SLC19A3: variants seen among roughly 807,000 people sequenced by gnomAD.
SLC19A3 encodes the protein solute carrier family 19 member 3.
In SLC19A3, 31 loss-of-function variants were observed where a neutral mutation model predicts 40.2. That is an observed-to-expected ratio of 0.77 (90% confidence interval 0.58 to 1.04). The LOEUF (loss-of-function observed/expected upper bound fraction) is 1.04. SLC19A3 is among the 50% of genes least tolerant of loss of function. SLC19A3 has a pLI of 0.00. For missense variants in SLC19A3, 592 were observed against 596.7 expected, an observed-to-expected ratio of 0.99 and a Z score of 0.08; for synonymous variants, 212 against 227.5, an observed-to-expected ratio of 0.93 and a Z score of 0.61.
At chr2:227,714,398 C>T (rs1574583498) in intron 1 of SLC19A3, 1 of 982,418 alleles carries the variant, frequency 1.0e-6, no homozygotes, top group Non-Finnish European at 1.2e-6. Context: ...TCAGTTAATA[C>T]AGATAGAATC....
rs2106315840 is a variant in SLC19A3, at chr2:227,686,130, A to G, written c.*1267T>C. On this transcript the variant is annotated 3_prime_UTR_variant, in exon 6 of 6. Coordinates refer to ENST00000644224, the MANE Select transcript of SLC19A3 (RefSeq NM_025243.4). ...GAGAATGGCTTGAACTCAGGAGGTG[A>G]AGTTTGCAGTGAGCCAAGATCACGC... is the stretch of plus-strand genomic sequence containing the variant. 2.2e-6 allele frequency: 1 copy of G among 448,786 alleles called. No individual in the cohort carries two copies. Among genetic ancestry groups the G allele is most frequent in the East Asian group, 7.5e-5 (1 of 13,380 alleles). 27.8% of individuals were successfully genotyped at this position (448,786 alleles called of 1,614,324 possible).
Position 227,710,313 on chromosome 2 carries a change from C to T in SLC19A3, c.-3+7630G>A, listed in dbSNP as rs115410403. 3.5e-3 allele frequency among the ~76,000 whole-genome samples: 539 copies of T among 152,276 alleles called. 2 individuals carry two copies. The highest frequency in any genetic ancestry group is 0.013 in the African/African-American group (527 of 41,552). On this transcript the variant is annotated intron_variant, in intron 1 of 5. Transcript: ENST00000644224. Reference sequence around the variant, plus strand: ...GGGCTAGCCTGATTTTCACAATAGGCTAGAACTTTACTGCAGTCAAAACAC... The same window carrying T: ...GGGCTAGCCTGATTTTCACAATAGGTTAGAACTTTACTGCAGTCAAAACAC...
chr2:227,707,986 C>G (rs1559256974), intron 1 of SLC19A3, among the ~76,000 whole-genome samples: 1 of 152,208 alleles, frequency 6.6e-6, no homozygotes, highest in Non-Finnish European at 1.5e-5. Context: ...GCCTTGGCCT[C>G]CCAAAGTGCC....
At chr2:227,716,745 C>T (rs534713120) in intron 1 of SLC19A3, among the ~76,000 whole-genome samples, 8 of 152,004 alleles carry the variant, frequency 5.3e-5, no homozygotes, top group Non-Finnish European at 7.4e-5. Context: ...TCCCTGTGTG[C>T]ATGTTAAATA....
At chr2:227,707,210 G>A (rs1228263753) in intron 1 of SLC19A3, among the ~76,000 whole-genome samples, 1 of 152,238 alleles carries the variant, frequency 6.6e-6, no homozygotes, top group Non-Finnish European at 1.5e-5. Context: ...CTTTGAATGA[G>A]CCAACACCTT....
At chr2:227,688,889 G>T (rs2106318839) in intron 4 of SLC19A3, among the ~76,000 whole-genome samples, 1 of 152,102 alleles carries the variant, frequency 6.6e-6, no homozygotes, top group Non-Finnish European at 1.5e-5. Context: ...CACAAAGAAG[G>T]AATTCAGAAT....
At position 227,696,014 on chromosome 2, in the gene SLC19A3, C is replaced by A; in HGVS notation, c.1047G>T (p.Leu349=). The change falls in exon 4 of 6, where the codon CTG becomes CTT. Residue 349 remains leucine, a synonymous_variant. Coordinates refer to ENST00000644224, the MANE Select transcript of SLC19A3 (RefSeq NM_025243.4). ...CGGCATTGACAACTGAGAAGACCAC[C>A]AGAGCCAGCTCTCCCAGAAGGTCCC... ...VNWDLLGELA[L]VVFSVVNAGS... is the part of the protein sequence containing the mutation. 1.9e-6 allele frequency: 3 copies of A among 1,614,148 alleles called. No homozygotes were observed. The highest frequency in any genetic ancestry group is 2.5e-6 in the Non-Finnish European group (3 of 1,180,038).
At chr2:227,701,101 G>A in intron 2 of SLC19A3, 9 of 1,295,192 alleles carry the variant, frequency 6.9e-6, no homozygotes, top group Non-Finnish European at 9.1e-6. Flanking sequence ...ATTGTGGCAT[G>A]CTTCAACCTG....
chr2:227,716,336 C>T (rs1696335080), intron 1 of SLC19A3, among the ~76,000 whole-genome samples: 1 of 152,106 alleles, frequency 6.6e-6, no homozygotes, highest in Non-Finnish European at 1.5e-5. Flanking sequence ...TTTGATCTGG[C>T]TACTACAGAC....
intron 4 of SLC19A3, among the ~76,000 whole-genome samples, chr2:227,693,451 A>G (rs1311898911): frequency 5.9e-5 from 9 of 152,120 alleles, no homozygotes; most frequent in Non-Finnish European, 1.3e-4. Flanking sequence ...CAGTAAACTC[A>G]TTTTCACCAA....
At chr2:227,688,107 T>C in intron 5 of SLC19A3, 59 bp downstream of exon 5, 1 of 1,575,976 alleles carries the variant, frequency 6.3e-7, no homozygotes, top group South Asian at 1.1e-5. Context: ...ATATTGCTTG[T>C]TGTAAGGTTG....
intron 1 of SLC19A3, among the ~76,000 whole-genome samples, chr2:227,711,362 G>C (rs1457230278): frequency 6.6e-6 from 1 of 151,928 alleles, no homozygotes; most frequent in Non-Finnish European, 1.5e-5. Context: ...GGAGGCTGCA[G>C]TAAGCCAAGA....
Position 227,695,890 on chromosome 2 carries a change from C to A in SLC19A3, c.1171G>T (p.Val391Leu). The A allele has an allele frequency of 6.2e-7, 1 of 1,613,892 alleles. No homozygotes were observed. The highest frequency in any genetic ancestry group is 8.5e-7 in the Non-Finnish European group (1 of 1,179,952). ...SSYMLLITIA[V>L]FQIAVNLNVE... is the part of the protein sequence containing the mutation. ...TTAGGAGTGGTTGGTAAAACTTACA[C>A]TGCTATGGTTATAAGAAGCATATAG... is the stretch of plus-strand genomic sequence containing the variant. Residue 391 changes from valine to leucine, a missense_variant and splice_region_variant, in exon 4 of 6, where the codon GTA becomes TTA. Val to Leu is a conservative substitution (Grantham distance 32). Coordinates refer to ENST00000644224, the MANE Select transcript of SLC19A3 (RefSeq NM_025243.4).
chr2:227,711,000 T>C (rs1310629038), intron 1 of SLC19A3, among the ~76,000 whole-genome samples: 4 of 152,144 alleles, frequency 2.6e-5, no homozygotes, highest in Non-Finnish European at 5.9e-5. Context: ...TAACTTTCAG[T>C]AAAACATTCA....
At chr2:227,715,328 C>CCTCCTGCCACAT (rs1286663218) in intron 1 of SLC19A3, among the ~76,000 whole-genome samples, 1 of 151,998 alleles carries the variant, frequency 6.6e-6, no homozygotes, top group African/African-American at 2.4e-5. Context: ...CCCAGATATT[C>CCTCCTGCCACAT]AGTATGTGGG....
rs781006365 is a variant in SLC19A3 at position 227,699,024 on chromosome 2, G to C, written c.691C>G (p.Gln231Glu). Reference protein sequence around the residue: ...HEGEAPGCEEQKPTSEILSTS... With the variant: ...HEGEAPGCEEEKPTSEILSTS... The stretch of plus-strand genomic sequence containing the variant: ...CTGAGTATTTCTGATGTGGGTTTCT[G>C]CTCTTCACAGCCTGGTGCTTCACCT... The change falls in exon 3 of 6, where the codon CAG becomes GAG. Residue 231 changes from glutamine to glutamate, a missense_variant. By Grantham distance (29) the Gln-to-Glu change is conservative. Coordinates refer to ENST00000644224, the MANE Select transcript of SLC19A3 (RefSeq NM_025243.4). 3 of 1,614,216 alleles carry C rather than the reference G, an allele frequency of 1.9e-6. No individual in the cohort carries two copies. Among genetic ancestry groups the C allele is most frequent in the South Asian group, 2.2e-5 (2 of 91,084 alleles).
intron 3 of SLC19A3, among the ~76,000 whole-genome samples, chr2:227,697,730 T>C (rs1033621416): frequency 9.2e-5 from 14 of 152,224 alleles, no homozygotes; most frequent in Non-Finnish European, 1.8e-4. Context: ...AATTGGAATC[T>C]TAGGGATTCA....
chr2:227,688,439 G>A, intron 4 of SLC19A3, 132 bp from the exon 5 acceptor site: 1 of 748,846 alleles, frequency 1.3e-6, no homozygotes, highest in South Asian at 1.6e-5. Context: ...CAAAGAGAGA[G>A]AGAGACTGTC....
At position 227,699,212 on chromosome 2, in the gene SLC19A3, G is replaced by C. The variant is rs139611208; in HGVS notation, c.503C>G (p.Ser168Trp). Residue 168 changes from serine (S) to tryptophan (W), a missense_variant, in exon 3 of 6, where the codon TCG (serine) becomes TGG (tryptophan). Coordinates refer to ENST00000644224, the MANE Select transcript of SLC19A3 (RefSeq NM_025243.4). ...AQLLVSLANM[S>W]YFYLNVISLA... ...GGATATGACGTTGAGGTAAAAGTAC[G>C]ACATGTTCGCCAGGGATACCAAGAG... 3 of 1,613,982 alleles carry C rather than the reference G, an allele frequency of 1.9e-6. No homozygotes were observed. In the African/African-American group the frequency reaches 4.0e-5, roughly 22 times the overall value.
Sources: allele counts gnomAD v4.1 joint callset (sites outside exome capture counted in the v4.1 genomes callset), GRCh38; gene constraint gnomAD v4.1.1; transcripts MANE v1.5; gene names NCBI Gene and HGNC (gene_info 2026-07-23, HGNC 2026-07-21).